NAP1L1: variants seen among roughly 807,000 people sequenced by gnomAD.
NAP1L1 encodes the protein nucleosome assembly protein 1 like 1.
Under a neutral mutation model 58.9 loss-of-function variants are expected in NAP1L1, and 9 were observed. The observed-to-expected ratio is 0.15, with a 90% confidence interval of 0.09 to 0.27. The LOEUF (loss-of-function observed/expected upper bound fraction) is 0.27, where lower values mean the gene tolerates loss of function less well. NAP1L1 is among the 10% of genes least tolerant of loss of function. The pLI is 1.00. For synonymous variants in NAP1L1, 130 were observed against 138.3 expected, an observed-to-expected ratio of 0.94 and a Z score of 0.42; for missense variants, 302 against 458.8, an observed-to-expected ratio of 0.66 and a Z score of 3.12.
Position 76,053,295 on chromosome 12 carries a change from T to C in NAP1L1, c.826A>G (p.Lys276Glu). The C allele has an allele frequency of 6.2e-7, 1 of 1,614,028 alleles. No homozygotes were observed. Among genetic ancestry groups the C allele is most frequent in the Non-Finnish European group, 8.5e-7 (1 of 1,179,952 alleles). The change falls in exon 10 of 15, where the codon AAG becomes GAG. Residue 276 changes from lysine (K) to glutamate (E), a missense_variant. By Grantham distance (56) the Lys-to-Glu change is moderately conservative. Coordinates refer to ENST00000618691, the MANE Select transcript of NAP1L1 (RefSeq NM_004537.7). ...KNVTLKTIKK[K>E]QKHKGRGTVR... ...GTCCCACGTCCCTTGTGTTTCTGCT[T>C]CTTCTTAATAGTTTTCAAAGTGACA... is the stretch of plus-strand genomic sequence containing the variant.
rs1948763488 is a variant in NAP1L1 at position 76,050,409 on chromosome 12, G to C, written c.1059+122C>G. On this transcript the variant is annotated intron_variant, in intron 12 of 14. Coordinates refer to ENST00000618691, the MANE Select transcript of NAP1L1 (RefSeq NM_004537.7). ...CAGAAAAGCTATATACAGAACATCA[G>C]TAATTAGCCTAATTTTGAATTATAT... is the stretch of plus-strand genomic sequence containing the variant. 3 of 1,240,698 alleles carry C rather than the reference G, an allele frequency of 2.4e-6. No homozygotes were observed. In the South Asian group the frequency reaches 5.2e-5, roughly 22 times the overall value. The allele number at this position is 1,240,698 out of a possible 1,614,324, so 76.9% of individuals were successfully genotyped here.
chr12:76,055,200 G>T, intron 7 of NAP1L1, 110 bp from the exon 8 acceptor site: 1 of 672,128 alleles, frequency 1.5e-6, no homozygotes, highest in Non-Finnish European at 2.4e-6. Context: ...AAGTAGTTTT[G>T]TATAGCAATT....
At chr12:76,084,526 AC>A (rs1440820252) in intron 1 of NAP1L1, 40 bp downstream of exon 1, 1 of 152,084 alleles carries the variant, frequency 6.6e-6, no homozygotes, top group African/African-American at 2.4e-5. Context: ...CGCCCAGCCA[AC>A]ACCACGTTCC....
At position 76,046,476 on chromosome 12, in the gene NAP1L1, A is replaced by T. The variant is rs1235653690; in HGVS notation, c.*1953T>A. The T allele has an allele frequency of 3.3e-5, 5 of 152,310 alleles. No individual in the cohort carries two copies. The highest frequency in any genetic ancestry group is 3.3e-4 in the Admixed American group (5 of 15,234). 9.4% of individuals were successfully genotyped at this position (152,310 alleles called of 1,614,324 possible). On this transcript the variant is annotated 3_prime_UTR_variant, in exon 15 of 15. Transcript: ENST00000618691. ...GAAGTTCAGAAAAAGCTGCATTTCG[A>T]TGAACTATGGTTAAAAAAAAAAAGC...
chr12:76,049,361 GA>G, intron 13 of NAP1L1, 111 bp from the exon 14 acceptor site: 3 of 1,582,356 alleles, frequency 1.9e-6, no homozygotes, highest in Non-Finnish European at 1.7e-6. Flanking sequence ...AGATTTTCAT[GA>G]TTACAGACTT....
intron 1 of NAP1L1, among the ~76,000 whole-genome samples, chr12:76,076,527 C>T (rs1028799844): frequency 1.5e-5 from 2 of 135,356 alleles, no homozygotes; most frequent in African/African-American, 2.8e-5. Context: ...GGATGTATGC[C>T]GAAATCCCCT....
At position 76,049,300 on chromosome 12, in the gene NAP1L1, A is replaced by G. The variant is rs746692145; in HGVS notation, c.1090-50T>C. 3 of 1,611,916 alleles carry G rather than the reference A, an allele frequency of 1.9e-6. No individual in the cohort carries two copies. In the Admixed American group the frequency reaches 5.0e-5, roughly 27 times the overall value. On this transcript the variant is annotated intron_variant, in intron 13 of 14. Coordinates refer to ENST00000618691, the MANE Select transcript of NAP1L1 (RefSeq NM_004537.7). ...CATGAAGTATGTACATAGTAGGTAA[A>G]CTGGCTCATAATGTAGGGAAAATTT...
chr12:76,074,049 T>C, intron 2 of NAP1L1, 154 bp downstream of exon 2: 1 of 629,958 alleles, frequency 1.6e-6, no homozygotes, highest in Non-Finnish European at 2.8e-6. Flanking sequence ...TTCTATATTT[T>C]ACCTTGAATA....
chr12:76,060,951 G>A, intron 4 of NAP1L1: 1 of 314,244 alleles, frequency 3.2e-6, no homozygotes, highest in South Asian at 2.4e-5. Context: ...AAATTAGCTG[G>A]GTGTGGTGGT....
At chr12:76,050,751 C>G (rs990279639) in intron 11 of NAP1L1, 98 bp from the exon 12 acceptor site, 7 of 1,315,330 alleles carry the variant, frequency 5.3e-6, no homozygotes, top group South Asian at 1.5e-5. Context: ...TGATGGCTCA[C>G]AACTGTAGTC....
At chr12:76,056,496 G>T (rs1483616084) in intron 6 of NAP1L1, 1 of 395,938 alleles carries the variant, frequency 2.5e-6, no homozygotes, top group East Asian at 7.6e-5. Flanking sequence ...CTCACCCCAT[G>T]GTGTTCTTAA....
In NAP1L1 at chr12:76,058,829, C is replaced by T. The variant is rs1484595010; in HGVS notation, c.429+969G>A. 2.0e-5 allele frequency among the ~76,000 whole-genome samples: 3 copies of T among 152,170 alleles called. No individual in the cohort carries two copies. The East Asian group carries it at 5.8e-4, about 29-fold the overall frequency. On this transcript the variant is annotated intron_variant, in intron 6 of 14. Transcript: ENST00000618691. ...TCCTCACCAATAATATGTCTCCTTG[C>T]TTCTCTGATGTGATAGTTTTGAGAT...
intron 1 of NAP1L1, among the ~76,000 whole-genome samples, chr12:76,081,183 A>C (rs1950392865): frequency 6.6e-6 from 1 of 152,240 alleles, no homozygotes; most frequent in African/African-American, 2.4e-5. Flanking sequence ...ACATTCTTTC[A>C]AAACCAGGAT....
intron 1 of NAP1L1, among the ~76,000 whole-genome samples, chr12:76,083,329 T>C (rs1241550192): frequency 2.0e-5 from 3 of 152,114 alleles, no homozygotes; most frequent in African/African-American, 7.2e-5. Flanking sequence ...CCAAGAACAA[T>C]TAAAGTCATA....
At chr12:76,081,609 T>C (rs2137121983) in intron 1 of NAP1L1, among the ~76,000 whole-genome samples, 1 of 152,170 alleles carries the variant, frequency 6.6e-6, no homozygotes, top group South Asian at 2.1e-4. Context: ...CAATAAAAAT[T>C]AAAATGTACA....
chr12:76,056,652 A>G (rs542449753), intron 6 of NAP1L1: 64 of 455,702 alleles, frequency 1.4e-4, no homozygotes, highest in African/African-American at 1.1e-3. Flanking sequence ...TCTTCACTTG[A>G]AAATGGCAAC....
At position 76,050,436 on chromosome 12, in the gene NAP1L1, A is replaced by G. The variant is rs75332564; in HGVS notation, c.1059+95T>C. ...AATTAGCCTAATTTTGAATTATATT[A>G]TGTCCTGCTTCTTAAAAACTAAACT... On this transcript the variant is annotated intron_variant, in intron 12 of 14. Transcript: ENST00000618691. 2,732 of 1,430,450 alleles carry G rather than the reference A, an allele frequency of 1.9e-3. 35 individuals carry two copies. In the African/African-American group the frequency reaches 0.035, roughly 18 times the overall value. The allele number at this position is 1,430,450 out of a possible 1,614,324, so 88.6% of individuals were successfully genotyped here. A position where few individuals can be genotyped will look rare whatever the true frequency, so the allele number is the denominator to read the frequency against.
Position 76,044,298 on chromosome 12 carries a change from T to G in NAP1L1, c.*4131A>C, listed in dbSNP as rs951355015. ...GCCTGGGCAACAGAGCAAGACTCTA[T>G]CTCAAAAATAAAAATAAATGGATAA... On this transcript the variant is annotated 3_prime_UTR_variant, in exon 15 of 15. Transcript: ENST00000618691. 1.3e-5 allele frequency: 2 copies of G among 152,136 alleles called. No homozygotes were observed. The highest frequency in any genetic ancestry group is 4.8e-5 in the African/African-American group (2 of 41,432). 9.4% of individuals were successfully genotyped at this position (152,136 alleles called of 1,614,324 possible).
At chr12:76,067,623 A>G in intron 3 of NAP1L1, 150 bp from the exon 4 acceptor site, 1 of 546,786 alleles carries the variant, frequency 1.8e-6, no homozygotes, top group Admixed American at 3.0e-5. Flanking sequence ...AAAGCTAAAG[A>G]GAATACACTA....
Sources: allele counts gnomAD v4.1 joint callset (sites outside exome capture counted in the v4.1 genomes callset), GRCh38; gene constraint gnomAD v4.1.1; transcripts MANE v1.5; gene names NCBI Gene and HGNC (gene_info 2026-07-23, HGNC 2026-07-21).